Variants in MYG1 observed in about 807,000 individuals in gnomAD.
MYG1 encodes UPF0160 protein MYG1, mitochondrial.
MYG1 carries 36 observed loss-of-function variants against 43.5 expected under a neutral mutation model. The observed-to-expected ratio is 0.83, with a 90% CI of 0.63 to 1.09. The LOEUF is 1.09. Ranked by LOEUF, MYG1 falls within the 50% of genes least tolerant of loss-of-function variation. MYG1 has a pLI of 0.00. For synonymous variants in MYG1, 220 were observed against 202.8 expected, an observed-to-expected ratio of 1.08 and a Z score of -0.72; for missense variants, 529 against 495.1, an observed-to-expected ratio of 1.07 and a Z score of -0.65.
intron 2 of MYG1, among the ~76,000 whole-genome samples, chr12:53,301,210 T>C (rs7958501): frequency 0.98 from 148,625 of 152,256 alleles, 72,625 homozygotes; most frequent in East Asian, 1. Flanking sequence ...GAGCCACTGT[T>C]GGCCTATCCT....
chr12:53,305,035 AT>A (rs1430393110), intron 3 of MYG1, among the ~76,000 whole-genome samples: 1 of 151,206 alleles, frequency 6.6e-6, no homozygotes, highest in Non-Finnish European at 1.5e-5. Context: ...CGCCCGGCTA[AT>A]TTTTTGTATT....
rs201885224 is a variant in MYG1, at chr12:53,306,258, T to C, written c.703T>C (p.Tyr235His). The change falls in exon 5 of 7, where the codon TAC (tyrosine) becomes CAC (histidine). Residue 235 changes from tyrosine (Y) to histidine (H), a missense_variant. Transcript: ENST00000267103. ...QEEFLQRLDFYQHSWLPARAL... is the reference protein window; with the variant it reads ...QEEFLQRLDFHQHSWLPARAL... ...GGAGTTTCTGCAGAGATTAGATTTC[T>C]ACCAACACAGCTGGCTGCCAGCCCG... is the stretch of plus-strand genomic sequence containing the variant. The C allele has an allele frequency of 1.1e-4, 184 of 1,614,230 alleles. No individual in the cohort carries two copies. The highest frequency in any genetic ancestry group is 6.6e-4 in the Middle Eastern group (4 of 6,062).
rs753249019 is a variant in MYG1 at position 53,299,952 on chromosome 12, G to A, written c.215G>A (p.Arg72Gln). 2.5e-6 allele frequency: 4 copies of A among 1,614,030 alleles called. No homozygotes were observed. The highest frequency in any genetic ancestry group is 3.4e-6 in the Non-Finnish European group (4 of 1,180,036). ...CTGCTTCGCCTCCTGCCGGAGTACCGGGTACGGTCCGCGAAAAGTGACCCT... is the reference window on the plus strand; with the variant it reads ...CTGCTTCGCCTCCTGCCGGAGTACCAGGTACGGTCCGCGAAAAGTGACCCT... ...CALLRLLPEYRDAEIVRTRDP... is the reference protein window; with the variant it reads ...CALLRLLPEYQDAEIVRTRDP... Residue 72 changes from arginine to glutamine, a missense_variant and splice_region_variant, in exon 1 of 7, where the codon CGG becomes CAG. Transcript: ENST00000267103.
intron 3 of MYG1, among the ~76,000 whole-genome samples, chr12:53,305,459 C>T (rs765169980): frequency 2.0e-5 from 3 of 152,156 alleles, no homozygotes; most frequent in Non-Finnish European, 4.4e-5. Context: ...TAGTCTCACA[C>T]TCATTTTCTC....
At chr12:53,300,588 C>G (rs1401031935) in intron 2 of MYG1, among the ~76,000 whole-genome samples, 1 of 152,242 alleles carries the variant, frequency 6.6e-6, no homozygotes, top group Non-Finnish European at 1.5e-5. Flanking sequence ...GCCCTTGCTG[C>G]TGCACCTAAC....
chr12:53,306,756 C>G lies in MYG1; in HGVS notation c.842C>G (p.Ser281Cys). The G allele has an allele frequency of 6.2e-7, 1 of 1,614,238 alleles. No homozygotes were observed. The highest frequency in any genetic ancestry group is 1.7e-5 in the Admixed American group (1 of 60,032). ...AAGGAGCATCTCTACCACCTGGAATCTGGGCTGTCCCCTCCAGTGGCCATC... is the reference window on the plus strand; with the variant it reads ...AAGGAGCATCTCTACCACCTGGAATGTGGGCTGTCCCCTCCAGTGGCCATC... ...PWKEHLYHLE[S>C]GLSPPVAIFF... The change falls in exon 6 of 7, where the codon TCT becomes TGT. Residue 281 changes from serine (S) to cysteine (C), a missense_variant. By Grantham distance (112) the Ser-to-Cys change is moderately radical. Coordinates refer to ENST00000267103, the MANE Select transcript of MYG1 (RefSeq NM_021640.4).
chr12:53,304,597 A>G (rs1457838321), intron 3 of MYG1, among the ~76,000 whole-genome samples: 1 of 151,634 alleles, frequency 6.6e-6, no homozygotes, highest in African/African-American at 2.4e-5. Context: ...AATTGACTAA[A>G]TTTAACCCGT....
At chr12:53,305,830 T>A in intron 3 of MYG1, 78 bp from the exon 4 acceptor site, 1 of 1,504,454 alleles carries the variant, frequency 6.6e-7, no homozygotes, top group East Asian at 2.3e-5. Context: ...AGAGTGTGTA[T>A]GAACATACTT....
intron 2 of MYG1, 117 bp downstream of exon 2, chr12:53,300,379 A>G (rs1418729748): frequency 1.3e-6 from 1 of 749,440 alleles, no homozygotes; most frequent in African/African-American, 1.8e-5. Flanking sequence ...CATCACTGAA[A>G]TCAAACTCCC....
chr12:53,306,909 C>T, intron 6 of MYG1, 48 bp downstream of exon 6: 20 of 1,606,268 alleles, frequency 1.2e-5, no homozygotes, highest in Non-Finnish European at 1.6e-5. Flanking sequence ...TTGTCTCAGC[C>T]TTGTTAAGAG....
chr12:53,302,353 T>C (rs1239703073), intron 2 of MYG1, among the ~76,000 whole-genome samples: 1 of 152,250 alleles, frequency 6.6e-6, no homozygotes, highest in Non-Finnish European at 1.5e-5. Flanking sequence ...GATGGACTGG[T>C]ATTTAGAAAT....
At chr12:53,302,886 G>A in intron 2 of MYG1, 148 bp from the exon 3 acceptor site, 2 of 941,236 alleles carry the variant, frequency 2.1e-6, no homozygotes, top group Admixed American at 5.0e-5. Flanking sequence ...GAATCTGAAA[G>A]CAAGGACAGT....
At chr12:53,304,477 G>GT (rs1944255004) in intron 3 of MYG1, among the ~76,000 whole-genome samples, 1 of 151,504 alleles carries the variant, frequency 6.6e-6, no homozygotes, top group South Asian at 2.1e-4. Flanking sequence ...TAGAAACGGG[G>GT]TTTCACCGTG....
rs749640109 is a variant in MYG1 at position 53,307,045 on chromosome 12, G to A, written c.1027G>A (p.Val343Ile). The change falls in exon 7 of 7, where the codon GTC becomes ATC. Residue 343 changes from valine to isoleucine, a missense_variant. Val to Ile is a conservative substitution (Grantham distance 29, BLOSUM62 3). Transcript: ENST00000267103. ...QVSGIPGCIFVHASGFTGGHH... is the reference protein window; with the variant it reads ...QVSGIPGCIFIHASGFTGGHH... ...CAGTGGGATCCCTGGCTGCATCTTC[G>A]TCCATGCAAGCGGCTTCACTGGCGG... The A allele has an allele frequency of 3.0e-5, 48 of 1,614,112 alleles. No individual in the cohort carries two copies. The South Asian group carries it at 3.3e-4, about 11-fold the overall frequency.
rs570927482 is a variant in MYG1, at chr12:53,301,259, T to C, written c.329+997T>C. On this transcript the variant is annotated intron_variant, in intron 2 of 6. Transcript: ENST00000267103. ...TCACAGTTCCACTAGTGTCTCTGCC[T>C]CTCCTTCCCTACAGCCTAAAACCCT... Among the ~76,000 whole-genome samples the C allele has an allele frequency of 2.0e-5, 3 of 152,142 alleles. No individual in the cohort carries two copies. In the East Asian group the frequency reaches 5.8e-4, roughly 29 times the overall value.
In MYG1 at chr12:53,306,289, T is replaced by C. The variant is rs1944279287; in HGVS notation, c.734T>C (p.Leu245Ser). Residue 245 changes from leucine to serine, a missense_variant, in exon 5 of 7, where the codon TTG becomes TCG. By Grantham distance (145) the Leu-to-Ser change is moderately radical. Transcript: ENST00000267103. ...YQHSWLPARA[L>S]VEEALAQRFQ... is the part of the protein sequence containing the mutation. ...CACAGCTGGCTGCCAGCCCGGGCCTTGGTGGAAGAGGCCCTTGCCCAGCGA... is the reference window on the plus strand; with the variant it reads ...CACAGCTGGCTGCCAGCCCGGGCCTCGGTGGAAGAGGCCCTTGCCCAGCGA... The C allele has an allele frequency of 6.2e-7, 1 of 1,614,212 alleles. No individual in the cohort carries two copies. The highest frequency in any genetic ancestry group is 8.5e-7 in the Non-Finnish European group (1 of 1,180,026).
At chr12:53,300,829 CAACT>C (rs1209960957) in intron 2 of MYG1, among the ~76,000 whole-genome samples, 1 of 152,188 alleles carries the variant, frequency 6.6e-6, no homozygotes, top group Non-Finnish European at 1.5e-5. Context: ...TCCCTCCTAC[CAACT>C]AAGGGAAATT....
chr12:53,306,428 C>A, intron 5 of MYG1, 108 bp downstream of exon 5: 1 of 1,508,214 alleles, frequency 6.6e-7, no homozygotes. Flanking sequence ...CAGACAACCT[C>A]AACCTCTTAG....
At position 53,306,965 on chromosome 12, in the gene MYG1, G is replaced by A; in HGVS notation, c.948-1G>A. 1 of 1,613,308 alleles carries A rather than the reference G, an allele frequency of 6.2e-7. No homozygotes were observed. Among genetic ancestry groups the A allele is most frequent in the Non-Finnish European group, 8.5e-7 (1 of 1,179,494 alleles). On this transcript the variant is annotated splice_acceptor_variant, in intron 6 of 6. Transcript: ENST00000267103. LOFTEE classifies it high-confidence loss of function. The stretch of plus-strand genomic sequence containing the variant: ...CTGCTGTACTCCCTCTTTCTGCCCA[G>A]GCTGCCCCTGCCAGAGCCATGGCGG...
Sources: allele counts gnomAD v4.1 joint callset (sites outside exome capture counted in the v4.1 genomes callset), GRCh38; gene constraint gnomAD v4.1.1; transcripts MANE v1.5; gene names NCBI Gene and HGNC (gene_info 2026-07-23, HGNC 2026-07-21).